TNNC2: variants seen among roughly 807,000 people sequenced by gnomAD.
TNNC2 encodes the protein troponin C, skeletal muscle.
Under a neutral mutation model 20.0 loss-of-function variants are expected in TNNC2, and 14 were observed. The observed-to-expected ratio is 0.70, with a 90% CI of 0.46 to 1.09. The LOEUF (loss-of-function observed/expected upper bound fraction) is 1.09, where lower values mean the gene tolerates loss of function less well. Among genes scored for constraint, TNNC2 ranks in the 50% least tolerant of loss-of-function variants. The pLI, the probability that TNNC2 is intolerant of heterozygous loss-of-function variation, is 0.00. For synonymous variants in TNNC2, 81 were observed against 77.3 expected (o/e 1.05, Z -0.25); for missense variants, 163 against 223.8 (o/e 0.73, Z 1.73).
upstream of TNNC2, among the ~76,000 whole-genome samples, chr20:45,828,749 A>C (rs1983036609): frequency 6.6e-6 from 1 of 152,092 alleles, no homozygotes; most frequent in African/African-American, 2.4e-5. Context: ...GGACAGAAAG[A>C]GCACCAAGAC....
upstream of TNNC2, among the ~76,000 whole-genome samples, chr20:45,828,571 A>T (rs139732740): frequency 4.6e-5 from 7 of 152,274 alleles, no homozygotes; most frequent in African/African-American, 1.7e-4. Flanking sequence ...AAGGTTCTTT[A>T]AGTGGTAAAA....
At chr20:45,824,917 C>T in intron 1 of TNNC2, 83 bp from the exon 2 acceptor site, 1 of 1,496,814 alleles carries the variant, frequency 6.7e-7, no homozygotes, top group Non-Finnish European at 9.3e-7. Flanking sequence ...TCCCAACCCC[C>T]ACTCTGTCAG....
chr20:45,824,979 C>A, intron 1 of TNNC2, 145 bp from the exon 2 acceptor site: 1 of 870,158 alleles, frequency 1.1e-6, no homozygotes, highest in Non-Finnish European at 1.9e-6. Context: ...TAATTGTGTG[C>A]CCGCACAGCA....
rs1191144261 is a variant in TNNC2 at position 45,823,713 on chromosome 20, G to A, written c.451+278C>T. On this transcript the variant is annotated intron_variant, in intron 5 of 5. Transcript: ENST00000372555. The surrounding 1 kb of genome is among the most constrained non-coding windows in gnomAD (Gnocchi z 4.6). ...TCACTATGTTGCCCAGGCTGGTCTC[G>A]AACTCTTGGCCTCAAGCAATCCTCC... is the stretch of plus-strand genomic sequence containing the variant. Among the ~76,000 whole-genome samples, 1 of 151,846 alleles carries A rather than the reference G, an allele frequency of 6.6e-6. No homozygotes were observed. Among genetic ancestry groups the A allele is most frequent in the African/African-American group, 2.4e-5 (1 of 41,326 alleles).
chr20:45,823,313 G>A lies in TNNC2; in HGVS notation c.*35C>T. On this transcript the variant is annotated 3_prime_UTR_variant, in exon 6 of 6. Transcript: ENST00000372555. This position sits in a 1 kb window ranked among gnomAD's most constrained non-coding sequence, Gnocchi z 4.6. ...AGGGCGGAGTCTCCCACACCCTAGG[G>A]ACACGCGATCTTGGTAGAGGCGACT... is the stretch of plus-strand genomic sequence containing the variant. The A allele has an allele frequency of 6.4e-7, 1 of 1,566,468 alleles. No homozygotes were observed. Among genetic ancestry groups the A allele is most frequent in the Non-Finnish European group, 8.7e-7 (1 of 1,155,218 alleles).
chr20:45,827,883 C>T (rs74703022), upstream of TNNC2, among the ~76,000 whole-genome samples: 2,045 of 152,248 alleles, frequency 0.013, 27 homozygotes, highest in Non-Finnish European at 0.02. Flanking sequence ...GTCTTTGAAC[C>T]ATGGTAAGGG....
Position 45,826,104 on chromosome 20 carries a change from C to T in TNNC2, c.3+1142G>A, listed in dbSNP as rs1982963932. On this transcript the variant is annotated intron_variant, in intron 1 of 5. Coordinates refer to ENST00000372555, the MANE Select transcript of TNNC2 (RefSeq NM_003279.3). The stretch of plus-strand genomic sequence containing the variant: ...ATGAGATATCAGGGGTGTGAAAGGG[C>T]TTTGTAAAGGGCTAGCACCATTCCA... Among the ~76,000 whole-genome samples, 14 of 143,378 alleles carry T rather than the reference C, an allele frequency of 9.8e-5. No individual in the cohort carries two copies. In the Admixed American group the frequency reaches 9.9e-4, roughly 10 times the overall value. The allele number at this position is 143,378 out of a possible 152,430, so 94.1% of individuals were successfully genotyped here.
At chr20:45,825,322 C>T (rs1004967362) in intron 1 of TNNC2, among the ~76,000 whole-genome samples, 4 of 151,624 alleles carry the variant, frequency 2.6e-5, no homozygotes, top group Non-Finnish European at 5.9e-5. Flanking sequence ...GTGACAGTCT[C>T]GCCCTGTCGC....
intron 2 of TNNC2, among the ~76,000 whole-genome samples, chr20:45,832,477 T>C (rs551428035): frequency 1.1e-4 from 16 of 152,264 alleles, no homozygotes; most frequent in Admixed American, 5.2e-4. Context: ...CCCAGGACGC[T>C]GTGAGGGAGA....
At chr20:45,824,237 C>A in intron 4 of TNNC2, 55 bp downstream of exon 4, 2 of 1,601,974 alleles carry the variant, frequency 1.2e-6, no homozygotes, top group Non-Finnish European at 1.7e-6. Flanking sequence ...TCCAGCGCTG[C>A]CGGCCGGGTT....
upstream of TNNC2, among the ~76,000 whole-genome samples, chr20:45,828,368 T>G (rs572647379): frequency 6.6e-6 from 1 of 152,174 alleles, no homozygotes; most frequent in Non-Finnish European, 1.5e-5. Flanking sequence ...TAATCCTGAC[T>G]GGAGGGAAGT....
chr20:45,832,590 C>T (rs1983145291), intron 2 of TNNC2, among the ~76,000 whole-genome samples: 1 of 152,206 alleles, frequency 6.6e-6, no homozygotes, highest in African/African-American at 2.4e-5. Flanking sequence ...AGCTGAAATA[C>T]CTTCTGCTTA....
upstream of TNNC2, among the ~76,000 whole-genome samples, chr20:45,829,653 G>A (rs1484386049): frequency 1.8e-4 from 27 of 151,762 alleles, no homozygotes; most frequent in Non-Finnish European, 1.5e-4. Flanking sequence ...GGTGGTGGGC[G>A]CCTGTAGTCC....
upstream of TNNC2, among the ~76,000 whole-genome samples, chr20:45,830,268 G>A (rs1287647681): frequency 7.6e-5 from 11 of 144,104 alleles, no homozygotes; most frequent in African/African-American, 2.1e-4. Flanking sequence ...CCTGGCAGGC[G>A]AAGGTTGCAC....
intron 1 of TNNC2, among the ~76,000 whole-genome samples, chr20:45,825,848 T>C (rs4810473): frequency 0.06 from 9,045 of 150,052 alleles, 666 homozygotes; most frequent in African/African-American, 0.17. Flanking sequence ...TCGAACCCCC[T>C]ACCTTAGGCG....
chr20:45,827,114 C>T, intron 1 of TNNC2, 132 bp downstream of exon 1: 1 of 1,177,436 alleles, frequency 8.5e-7, no homozygotes, highest in Non-Finnish European at 1.2e-6. Context: ...TCCAAGACAC[C>T]TGGGTTCCAG....
intron 1 of TNNC2, 103 bp downstream of exon 1, chr20:45,827,143 C>A: frequency 1.3e-6 from 2 of 1,517,262 alleles, no homozygotes; most frequent in Non-Finnish European, 1.8e-6. Flanking sequence ...ATGCTCCAAC[C>A]TCAAACATCC....
Position 45,824,072 on chromosome 20 carries a change from C to T in TNNC2, c.370G>A (p.Gly124Arg), listed in dbSNP as rs750467694. The T allele has an allele frequency of 5.0e-6, 8 of 1,614,146 alleles. No homozygotes were observed. The Admixed American group carries it at 5.0e-5, about 10-fold the overall frequency. Residue 124 changes from glycine (G) to arginine (R), a missense_variant, in exon 5 of 6, where the codon GGG (glycine) becomes AGG (arginine). By Grantham distance (125) the Gly-to-Arg change is moderately radical. Transcript: ENST00000372555. ...ATCTCCTCGTCCGTCACGTGCTCCC[C>T]GGAGGCCCTGAAAATCTCAGCCAGC... ...EELAEIFRAS[G>R]EHVTDEEIES...
At chr20:45,829,800 T>G (rs1445470290), upstream of TNNC2, among the ~76,000 whole-genome samples, 4 of 146,764 alleles carry the variant, frequency 2.7e-5, no homozygotes, top group Admixed American at 2.0e-4. Flanking sequence ...AAAAAAAAAG[T>G]TTCATCATGT....
Sources: gnomAD v4.1 joint callset for allele counts (sites outside exome capture counted in the v4.1 genomes callset) on GRCh38, gnomAD v4.1.1 for gene constraint, Gnocchi (gnomAD v3.1) non-coding constraint, MANE v1.5 for transcripts, NCBI Gene and HGNC (gene_info 2026-07-23, HGNC 2026-07-21) for gene names.